The following MTA3 variants were observed in gnomAD, a reference collection of about 807,000 sequenced individuals.
MTA3 encodes the protein metastasis-associated protein MTA3.
Under a neutral mutation model 83.5 loss-of-function variants are expected in MTA3, and 34 were observed. The ratio of observed to expected loss-of-function variants is 0.41; its 90% confidence interval spans 0.31 to 0.54. The LOEUF is 0.54. MTA3 is among the 20% of genes least tolerant of loss of function. The pLI is 0.33. For missense variants in MTA3, 761 were observed against 726.4 expected, an observed-to-expected ratio of 1.05 and a Z score of -0.55; for synonymous variants, 303 against 252.7, an observed-to-expected ratio of 1.20 and a Z score of -1.89.
chr2:42,531,965 C>T (rs764866899), intron 2 of MTA3, among the ~76,000 whole-genome samples: 1 of 152,108 alleles, frequency 6.6e-6, no homozygotes, highest in Non-Finnish European at 1.5e-5. Flanking sequence ...ACTGTGTTAG[C>T]TAGGATGGTC....
In MTA3 at chr2:42,754,638, G is replaced by C; in HGVS notation, c.*1239G>C. ...CCCCTGCCCTCTGTTTGCAGGCACA[G>C]GGTCACAGTCCCAAGAAAGACAACT... is the stretch of plus-strand genomic sequence containing the variant. On this transcript the variant is annotated 3_prime_UTR_variant, in exon 17 of 17. Coordinates refer to ENST00000405094, the MANE Select transcript of MTA3 (RefSeq NM_001330442.2). The C allele has an allele frequency of 1.0e-6, 1 of 985,522 alleles. No homozygotes were observed. The highest frequency in any genetic ancestry group is 4.7e-5 in the South Asian group (1 of 21,290). The allele number at this position is 985,522 out of a possible 1,614,324, so 61.0% of individuals were successfully genotyped here. A position where few individuals can be genotyped will look rare whatever the true frequency, so the allele number is the denominator to read the frequency against.
intron 3 of MTA3, among the ~76,000 whole-genome samples, chr2:42,590,828 C>T (rs1392019050): frequency 6.6e-6 from 1 of 151,996 alleles, no homozygotes; most frequent in Non-Finnish European, 1.5e-5. Flanking sequence ...ACCACATTGG[C>T]CCGACTGCTC....
At chr2:42,691,834 C>T (rs950946227) in intron 9 of MTA3, among the ~76,000 whole-genome samples, 30 of 152,168 alleles carry the variant, frequency 2.0e-4, no homozygotes, top group African/African-American at 6.8e-4. Flanking sequence ...TTAAATATGT[C>T]GTGCCACTCT....
intron 4 of MTA3, among the ~76,000 whole-genome samples, chr2:42,623,242 G>C (rs924856282): frequency 1.3e-5 from 2 of 152,230 alleles, no homozygotes; most frequent in African/African-American, 2.4e-5. Context: ...GGATCCTGGC[G>C]TGTGCCTTGG....
intron 2 of MTA3, among the ~76,000 whole-genome samples, chr2:42,555,625 AG>A (rs1677346649): frequency 1.4e-5 from 2 of 144,546 alleles, no homozygotes; most frequent in South Asian, 4.4e-4. Flanking sequence ...AAAATTAGCC[AG>A]GTGTGGTGGC....
At chr2:42,575,109 C>A (rs529011731) in intron 2 of MTA3, among the ~76,000 whole-genome samples, 1 of 152,198 alleles carries the variant, frequency 6.6e-6, no homozygotes, top group Non-Finnish European at 1.5e-5. Context: ...CCTCCACTTT[C>A]GCTGAAAGCA....
At chr2:42,531,780 G>A (rs6544558) in intron 2 of MTA3, among the ~76,000 whole-genome samples, 54,434 of 150,676 alleles carry the variant, frequency 0.36, 9,920 homozygotes, top group African/African-American at 0.4. Flanking sequence ...TTTTTGAGAC[G>A]GAGTCTCGCT....
intron 7 of MTA3, among the ~76,000 whole-genome samples, chr2:42,657,264 C>T (rs149057200): frequency 6.6e-6 from 1 of 152,152 alleles, no homozygotes; most frequent in African/African-American, 2.4e-5. Flanking sequence ...AGTCTTGGCT[C>T]ATCCTTAGAT....
rs1428642712 is a variant in MTA3 at position 42,519,127 on chromosome 2, A to C, written c.-141+23873A>C. Among the ~76,000 whole-genome samples, 3 of 152,138 alleles carry C rather than the reference A, an allele frequency of 2.0e-5. No individual in the cohort carries two copies. In the East Asian group the frequency reaches 5.8e-4, roughly 29 times the overall value. The stretch of plus-strand genomic sequence containing the variant: ...ATCAAGGTCACCATCACCAATAATC[A>C]GTCATGTTGATCACATGTACCCCTT... On this transcript the variant is annotated intron_variant, in intron 2 of 17. Coordinates refer to the MTA3 transcript ENST00000405592.
At chr2:42,751,186 A>ATC (rs1669847668) in intron 16 of MTA3, among the ~76,000 whole-genome samples, 1 of 152,234 alleles carries the variant, frequency 6.6e-6, no homozygotes, top group Admixed American at 6.5e-5. Context: ...TAAGTGCAGA[A>ATC]TCTCCAAGTC....
chr2:42,623,437 T>C (rs977569487), intron 4 of MTA3, among the ~76,000 whole-genome samples: 8 of 152,184 alleles, frequency 5.3e-5, no homozygotes, highest in African/African-American at 1.9e-4. Flanking sequence ...ATAAAGCTTA[T>C]GTCACGCCGC....
At chr2:42,513,762 C>A (rs1021640553) in intron 2 of MTA3, among the ~76,000 whole-genome samples, 3 of 152,214 alleles carry the variant, frequency 2.0e-5, no homozygotes, top group Admixed American at 2.0e-4. Flanking sequence ...CTTAAAGGGA[C>A]AGGGAAGTGC....
chr2:42,733,380 C>T (rs962850231), intron 16 of MTA3, among the ~76,000 whole-genome samples: 1 of 152,168 alleles, frequency 6.6e-6, no homozygotes, highest in Non-Finnish European at 1.5e-5. Context: ...GAAAGACTGG[C>T]CGCCATGACT....
chr2:42,594,643 T>TAA (rs1681465012), intron 3 of MTA3, among the ~76,000 whole-genome samples: 5 of 63,786 alleles, frequency 7.8e-5, no homozygotes, highest in Non-Finnish European at 1.4e-4. Flanking sequence ...TCTTTTTATA[T>TAA]ATATATATAA....
At chr2:42,707,517 G>A (rs1028725630) in intron 12 of MTA3, among the ~76,000 whole-genome samples, 3 of 152,174 alleles carry the variant, frequency 2.0e-5, no homozygotes, top group Non-Finnish European at 1.5e-5. Flanking sequence ...AAAGTGCTGG[G>A]ATTACAGGCG....
intron 14 of MTA3, among the ~76,000 whole-genome samples, chr2:42,714,491 C>T (rs1291135047): frequency 6.6e-6 from 1 of 152,076 alleles, no homozygotes; most frequent in East Asian, 1.9e-4. Flanking sequence ...TTCTTGAATG[C>T]ACATGTGGGA....
intron 16 of MTA3, among the ~76,000 whole-genome samples, chr2:42,740,111 C>T (rs77242133): frequency 0.016 from 2,390 of 152,374 alleles, 63 homozygotes; most frequent in African/African-American, 0.055. Context: ...GGTGAGTCCT[C>T]TCTAGCAGGT....
Position 42,756,040 on chromosome 2 carries a change from T to TG in MTA3, c.*2646dup, listed in dbSNP as rs777819706. 3.7e-5 allele frequency: 36 copies of TG among 981,650 alleles called. No individual in the cohort carries two copies. The highest frequency in any genetic ancestry group is 4.4e-5 in the Non-Finnish European group (36 of 826,592). The allele number at this position is 981,650 out of a possible 1,614,324, so 60.8% of individuals were successfully genotyped here. A position where few individuals can be genotyped will look rare whatever the true frequency, so the allele number is the denominator to read the frequency against. The stretch of plus-strand genomic sequence containing the variant: ...CCCACCCAGGAAAATGGATTTCAAG[T>TG]GGGGGTTTTCATCCAGAGATTTGTT... On this transcript the variant is annotated 3_prime_UTR_variant, in exon 17 of 17. Coordinates refer to ENST00000405094, the MANE Select transcript of MTA3 (RefSeq NM_001330442.2).
chr2:42,595,428 A>G (rs1275695207), intron 3 of MTA3, among the ~76,000 whole-genome samples: 3 of 152,142 alleles, frequency 2.0e-5, no homozygotes, highest in African/African-American at 7.2e-5. Flanking sequence ...TATTTTTAAA[A>G]GGCCACATGT....
Sources: gnomAD v4.1 joint callset for allele counts (sites outside exome capture counted in the v4.1 genomes callset) on GRCh38, gnomAD v4.1.1 for gene constraint, MANE v1.5 for transcripts, NCBI Gene and HGNC (gene_info 2026-07-23, HGNC 2026-07-21) for gene names.